SYNPR: variants seen among roughly 807,000 people sequenced by gnomAD.
The protein encoded by SYNPR is synaptoporin.
A neutral mutation model predicts 32.9 loss-of-function variants in SYNPR; 23 were observed. That is an observed-to-expected ratio of 0.70 (90% confidence interval 0.50 to 0.99). The LOEUF is 0.99. SYNPR is among the 50% of genes least tolerant of loss of function. The pLI is 0.00. For synonymous variants in SYNPR, 146 were observed against 135.9 expected (o/e 1.07, Z -0.52); for missense variants, 318 against 349.3 (o/e 0.91, Z 0.71).
intron 2 of SYNPR, among the ~76,000 whole-genome samples, chr3:63,300,293 T>A (rs1354155777): frequency 6.6e-6 from 1 of 150,396 alleles, no homozygotes; most frequent in Non-Finnish European, 1.5e-5. Context: ...ACTGCTTATA[T>A]TCTGAGTTCT....
chr3:63,462,281 G>A (rs1417188437), intron 2 of SYNPR, among the ~76,000 whole-genome samples: 1 of 151,936 alleles, frequency 6.6e-6, no homozygotes, highest in Admixed American at 6.6e-5. Context: ...GTACCTCCTT[G>A]TACCTTAATT....
intron 2 of SYNPR, among the ~76,000 whole-genome samples, chr3:63,404,544 A>G (rs1479029167): frequency 1.3e-5 from 2 of 152,138 alleles, no homozygotes; most frequent in African/African-American, 4.8e-5. Context: ...TTTCCTTAGA[A>G]CTGGGTCAGA....
intron 3 of SYNPR, among the ~76,000 whole-genome samples, chr3:63,554,126 T>C (rs1197763778): frequency 6.6e-6 from 1 of 152,246 alleles, no homozygotes; most frequent in Non-Finnish European, 1.5e-5. Flanking sequence ...GTTATGGATA[T>C]TAGACCTTTG....
At chr3:63,446,700 A>G (rs1700284356) in intron 2 of SYNPR, among the ~76,000 whole-genome samples, 2 of 152,170 alleles carry the variant, frequency 1.3e-5, no homozygotes, top group South Asian at 4.1e-4. Context: ...CTAGCTCACA[A>G]CACCTTTGCT....
chr3:63,443,278 G>C (rs1438675082), intron 2 of SYNPR: 2 of 1,462,494 alleles, frequency 1.4e-6, no homozygotes, highest in Non-Finnish European at 1.8e-6. Context: ...TATCTGATTG[G>C]TATAACATCT....
chr3:63,204,047 G>A, the SYNPR span, among the ~76,000 whole-genome samples: 177 of 152,190 alleles, frequency 1.2e-3, no homozygotes, highest in African/African-American at 4.0e-3. Flanking sequence ...TTGCTCTTAA[G>A]AGAATCACCT....
At chr3:63,592,772 T>C (rs1056415790) in intron 4 of SYNPR, among the ~76,000 whole-genome samples, 5 of 152,162 alleles carry the variant, frequency 3.3e-5, no homozygotes, top group African/African-American at 1.2e-4. Flanking sequence ...ATAATGCCTA[T>C]ATACTTTTCT....
At chr3:63,432,665 G>A (rs1024041152) in intron 2 of SYNPR, among the ~76,000 whole-genome samples, 1 of 152,178 alleles carries the variant, frequency 6.6e-6, no homozygotes, top group East Asian at 1.9e-4. Context: ...ATAAGAAAGA[G>A]GTAGGAGAGG....
intron 3 of SYNPR, among the ~76,000 whole-genome samples, chr3:63,529,167 C>A (rs1328593975): frequency 6.6e-6 from 1 of 152,160 alleles, no homozygotes; most frequent in Admixed American, 6.5e-5. Flanking sequence ...CCATGGGGGA[C>A]CCCTGGGGAA....
chr3:63,464,645 A>T (rs1559506997), intron 2 of SYNPR, among the ~76,000 whole-genome samples: 1 of 152,064 alleles, frequency 6.6e-6, no homozygotes, highest in Admixed American at 6.6e-5. Context: ...CATCAGACAC[A>T]TACTTTCTGG....
intron 2 of SYNPR, among the ~76,000 whole-genome samples, chr3:63,296,285 G>GTTTT (rs35572665): frequency 0.46 from 70,475 of 151,778 alleles, 16,522 homozygotes; most frequent in Middle Eastern, 0.52. Flanking sequence ...TGTTAGAAAT[G>GTTTT]CTATTTCTCA....
chr3:63,421,343 T>G lies in SYNPR; in HGVS notation c.85-59489T>G, dbSNP rs541312126. Among the ~76,000 whole-genome samples the G allele has an allele frequency of 1.4e-3, 207 of 151,348 alleles. 1 individual carries two copies. The highest frequency in any genetic ancestry group is 4.7e-3 in the African/African-American group (193 of 41,252). Reference sequence around the variant, plus strand: ...ATTTTATTTGTAATAGCCAAAAAACTGGAAACCACCAACTGTTAATTAAAA... The same window carrying G: ...ATTTTATTTGTAATAGCCAAAAAACGGGAAACCACCAACTGTTAATTAAAA... On this transcript the variant is annotated intron_variant, in intron 2 of 5. Coordinates refer to ENST00000478300, the MANE Select transcript of SYNPR (RefSeq NM_001130003.2).
intron 2 of SYNPR, among the ~76,000 whole-genome samples, chr3:63,263,582 G>C (rs2086457179): frequency 2.0e-5 from 3 of 152,138 alleles, no homozygotes; most frequent in African/African-American, 7.2e-5. Context: ...TGTCAGTTGG[G>C]GCAGCTTTAC....
At chr3:63,375,271 C>T (rs537782257) in intron 2 of SYNPR, among the ~76,000 whole-genome samples, 28 of 152,164 alleles carry the variant, frequency 1.8e-4, no homozygotes, top group African/African-American at 3.1e-4. Context: ...CACATGCACA[C>T]GTATGTTTAC....
intron 3 of SYNPR, among the ~76,000 whole-genome samples, chr3:63,521,331 C>G (rs1371710708): frequency 2.6e-5 from 4 of 152,218 alleles, no homozygotes; most frequent in African/African-American, 9.6e-5. Flanking sequence ...TTGAGAACCA[C>G]TGTTTAAAAT....
At chr3:63,586,706 AAT>A (rs903307984) in intron 4 of SYNPR, among the ~76,000 whole-genome samples, 1 of 149,142 alleles carries the variant, frequency 6.7e-6, no homozygotes, top group Non-Finnish European at 1.5e-5. Context: ...ATATAAGTAT[AAT>A]ATATATATAC....
intron 4 of SYNPR, among the ~76,000 whole-genome samples, chr3:63,601,897 G>A (rs1700050324): frequency 6.6e-6 from 1 of 152,120 alleles, no homozygotes; most frequent in South Asian, 2.1e-4. Context: ...AGCTCTTTGA[G>A]GAATCACCAC....
At chr3:63,309,407 T>C (rs2086940359) in intron 2 of SYNPR, among the ~76,000 whole-genome samples, 1 of 152,078 alleles carries the variant, frequency 6.6e-6, no homozygotes, top group Non-Finnish European at 1.5e-5. Context: ...TGCCAGATAC[T>C]TTGATTTTTA....
chr3:63,219,618 A>C, the SYNPR span, among the ~76,000 whole-genome samples: 8 of 152,216 alleles, frequency 5.3e-5, no homozygotes, highest in African/African-American at 1.7e-4. Flanking sequence ...AACTTGATTA[A>C]TGCATTTTAT....
Sources: allele counts gnomAD v4.1 joint callset (sites outside exome capture counted in the v4.1 genomes callset), GRCh38; gene constraint gnomAD v4.1.1; transcripts MANE v1.5; gene names NCBI Gene and HGNC (gene_info 2026-07-23, HGNC 2026-07-21).